The following CACNA1A variants were observed in gnomAD, a reference collection of about 807,000 sequenced individuals.
The protein encoded by CACNA1A is calcium voltage-gated channel subunit alpha1 A.
In CACNA1A, 57 loss-of-function variants were observed where a neutral mutation model predicts 262.4. The observed-to-expected ratio is 0.22, with a 90% CI of 0.18 to 0.27. CACNA1A has a LOEUF of 0.27. Ranked by LOEUF, CACNA1A falls within the 10% of genes least tolerant of loss-of-function variation. CACNA1A has a pLI of 1.00. For synonymous variants in CACNA1A, 1,431 were observed against 1,419.3 expected, an observed-to-expected ratio of 1.01 and a Z score of -0.18; for missense variants, 2,526 against 3,562.8, an observed-to-expected ratio of 0.71 and a Z score of 7.41.
chr19:13,395,584 C>T (rs1033428485), intron 3 of CACNA1A, among the ~76,000 whole-genome samples: 2 of 151,320 alleles, frequency 1.3e-5, no homozygotes, highest in Non-Finnish European at 2.9e-5. Flanking sequence ...TGTACTCTAG[C>T]CTGGGCAACA....
chr19:13,227,661 TAGAG>T (rs533042532), intron 36 of CACNA1A, 134 bp from the exon 37 acceptor site: 44 of 386,878 alleles, frequency 1.1e-4, no homozygotes, highest in Admixed American at 3.2e-4. Flanking sequence ...GCCGAAAAAA[TAGAG>T]AGAGAAAGAT....
Position 13,207,551 on chromosome 19 carries a change from T to G in CACNA1A, c.7283A>C (p.Glu2428Ala), listed in dbSNP as rs2054612461. 6.9e-7 allele frequency: 1 copy of G among 1,459,658 alleles called. No individual in the cohort carries two copies. Among genetic ancestry groups the G allele is most frequent in the Non-Finnish European group, 9.0e-7 (1 of 1,105,560 alleles). 90.4% of individuals were successfully genotyped at this position (1,459,658 alleles called of 1,614,324 possible). Residue 2428 changes from glutamate (E) to alanine (A), a missense_variant, in exon 47 of 47, where the codon GAG (glutamate) becomes GCG (alanine). Transcript: ENST00000360228. This position sits in a 1 kb window ranked among gnomAD's most constrained non-coding sequence, Gnocchi z 5.7. ...CGCGTCGTAGGCCCCGGCCATGGCC[T>G]CCTCGCCGCCCCCGCTGCCCGGGCC... is the stretch of plus-strand genomic sequence containing the variant. The part of the protein sequence containing the change: ...ADGPGSGGGE[E>A]AMAGAYDAPP...
At position 13,245,249 on chromosome 19, in the gene CACNA1A, G is replaced by C; in HGVS notation, c.4883C>G (p.Ala1628Gly). The C allele has an allele frequency of 1.2e-6, 2 of 1,613,866 alleles. No homozygotes were observed. The highest frequency in any genetic ancestry group is 1.1e-5 in the South Asian group (1 of 91,076). Reference sequence around the variant, plus strand: ...AGTCACAAAGTCGAAGATGTTCCAGGCATCGCGGAAATAATTCTAGAATGG... The same window carrying C: ...AGTCACAAAGTCGAAGATGTTCCAGCCATCGCGGAAATAATTCTAGAATGG... The part of the protein sequence containing the change: ...AFGILNYFRD[A>G]WNIFDFVTVL... The change falls in exon 31 of 47, where the codon GCC (alanine) becomes GGC (glycine). Residue 1628 changes from alanine (A) to glycine (G), a missense_variant. Transcript: ENST00000360228.
chr19:13,484,411 C>T (rs1243190333), intron 1 of CACNA1A, among the ~76,000 whole-genome samples: 1 of 152,136 alleles, frequency 6.6e-6, no homozygotes, highest in Non-Finnish European at 1.5e-5. Flanking sequence ...GGCAGGATCA[C>T]AAACTGCTTT....
At chr19:13,238,649 G>A (rs1218429844) in intron 31 of CACNA1A, among the ~76,000 whole-genome samples, 3 of 151,060 alleles carry the variant, frequency 2.0e-5, no homozygotes, top group African/African-American at 4.9e-5. Flanking sequence ...GCAATGGCAC[G>A]ACCTCGGCTC....
chr19:13,402,204 G>C (rs2144696379), intron 3 of CACNA1A, among the ~76,000 whole-genome samples: 1 of 152,300 alleles, frequency 6.6e-6, no homozygotes, highest in Middle Eastern at 3.4e-3. Context: ...AAATAAGCTG[G>C]GGAAGAAGCC....
chr19:13,344,591 T>C (rs1237190514), intron 6 of CACNA1A, among the ~76,000 whole-genome samples: 1 of 152,176 alleles, frequency 6.6e-6, no homozygotes, highest in Non-Finnish European at 1.5e-5. Context: ...ATTGTCATCT[T>C]GATCATCAGC....
In CACNA1A at chr19:13,224,785, C is replaced by G. The variant is rs1305351124; in HGVS notation, c.5626-13G>C. ...TCCGCAGAAGCCGCTACAGAAAACCCAAGGCAAGCGCAGTCATTCCCAGGC... is the reference window on the plus strand; with the variant it reads ...TCCGCAGAAGCCGCTACAGAAAACCGAAGGCAAGCGCAGTCATTCCCAGGC... On this transcript the variant is annotated splice_polypyrimidine_tract_variant and intron_variant, in intron 37 of 46. Transcript: ENST00000360228. 1.9e-6 allele frequency: 3 copies of G among 1,590,824 alleles called. No individual in the cohort carries two copies. Among genetic ancestry groups the G allele is most frequent in the South Asian group, 2.3e-5 (2 of 87,992 alleles).
intron 6 of CACNA1A, among the ~76,000 whole-genome samples, chr19:13,349,078 G>A (rs2058852910): frequency 6.6e-6 from 1 of 151,436 alleles, no homozygotes; most frequent in Non-Finnish European, 1.5e-5. Flanking sequence ...AGAGACGGAT[G>A]AAGGGTGATG....
intron 22 of CACNA1A, 94 bp from the exon 23 acceptor site, chr19:13,277,222 T>G: frequency 1.2e-6 from 1 of 846,796 alleles, no homozygotes; most frequent in Non-Finnish European, 2.0e-6. Flanking sequence ...GAGCAGAGTT[T>G]CTACCCAGAA....
rs368016666 is a variant in CACNA1A at position 13,209,364 on chromosome 19, G to A, written c.6474C>T (p.Arg2158=). The A allele has an allele frequency of 3.7e-5, 52 of 1,391,010 alleles. No homozygotes were observed. In the African/African-American group the frequency reaches 6.3e-4, roughly 17 times the overall value. The allele number at this position is 1,391,010 out of a possible 1,614,324, so 86.2% of individuals were successfully genotyped here. The change falls in exon 45 of 47, where the codon CGC becomes CGT. Residue 2158 remains arginine (R), a synonymous_variant. Transcript: ENST00000360228. ...NQRHHQRRRD[R]SHRASERSLG... ...GGGAGCGCTCAGAGGCGCGGTGGCT[G>A]CGGTCGCGGCGCCGCTGGTGGTGCC...
At chr19:13,467,218 G>T (rs1352100131) in intron 1 of CACNA1A, among the ~76,000 whole-genome samples, 1 of 152,060 alleles carries the variant, frequency 6.6e-6, no homozygotes, top group South Asian at 2.1e-4. Context: ...GATGGGGTAA[G>T]GGCTTTTCAC....
chr19:13,430,506 T>C (rs1036028816), intron 3 of CACNA1A, among the ~76,000 whole-genome samples: 2 of 152,080 alleles, frequency 1.3e-5, no homozygotes, highest in African/African-American at 4.8e-5. Flanking sequence ...ATTAGAACAA[T>C]GAGACAAGCA....
intron 28 of CACNA1A, among the ~76,000 whole-genome samples, chr19:13,255,952 T>TCTCTCTCATTTCCTTCCTTCCC (rs2056554641): frequency 7.5e-6 from 1 of 132,944 alleles, no homozygotes; most frequent in African/African-American, 2.8e-5. Flanking sequence ...CCTTTCTTTC[T>TCTCTCTCATTTCCTTCCTTCCC]CTCTCTCATT....
chr19:13,297,375 G>A (rs922516157), intron 19 of CACNA1A, among the ~76,000 whole-genome samples: 2 of 152,172 alleles, frequency 1.3e-5, no homozygotes, highest in African/African-American at 2.4e-5. Context: ...ATGACCTTGA[G>A]GAGCTCACTC....
At chr19:13,240,613 G>C (rs1480133356) in intron 31 of CACNA1A, among the ~76,000 whole-genome samples, 2 of 150,988 alleles carry the variant, frequency 1.3e-5, no homozygotes, top group African/African-American at 2.4e-5. Flanking sequence ...CGCAGTGATT[G>C]TGTGTGTGCA....
chr19:13,259,281 G>A (rs2056656033), intron 27 of CACNA1A: 2 of 197,376 alleles, frequency 1.0e-5, no homozygotes. Context: ...GAGTAGCCGG[G>A]ACCACAGGTG....
At chr19:13,432,024 G>C (rs1414124313) in intron 3 of CACNA1A, among the ~76,000 whole-genome samples, 2 of 146,488 alleles carry the variant, frequency 1.4e-5, no homozygotes, top group Non-Finnish European at 3.0e-5. Flanking sequence ...AGAATCGCTT[G>C]AACCCGGGAG....
chr19:13,277,023 TAAAAAA>T (rs34471308), intron 23 of CACNA1A, 40 bp downstream of exon 23: 2 of 1,014,872 alleles, frequency 2.0e-6, no homozygotes, highest in East Asian at 3.5e-5. Context: ...TGCACTTGCT[TAAAAAA>T]AAAAATTACC....
Sources: allele counts gnomAD v4.1 joint callset (sites outside exome capture counted in the v4.1 genomes callset), GRCh38; gene constraint gnomAD v4.1.1; non-coding constraint Gnocchi (gnomAD v3.1); transcripts MANE v1.5; gene names NCBI Gene and HGNC (gene_info 2026-07-23, HGNC 2026-07-21).